PLXNA2: variants seen among roughly 807,000 people sequenced by gnomAD.
PLXNA2 encodes plexin A2, also known as plexin-A2.
A neutral mutation model predicts 193.5 loss-of-function variants in PLXNA2; 91 were observed. The ratio of observed to expected loss-of-function variants is 0.47; its 90% CI spans 0.40 to 0.56. The LOEUF (loss-of-function observed/expected upper bound fraction) is 0.56. PLXNA2 is among the 20% of genes least tolerant of loss of function. The pLI, the probability that PLXNA2 is intolerant of heterozygous loss-of-function variation, is 0.00. For synonymous variants in PLXNA2, 997 were observed against 1,027.3 expected, an observed-to-expected ratio of 0.97 and a Z score of 0.56; for missense variants, 1,995 against 2,503.2, an observed-to-expected ratio of 0.80 and a Z score of 4.33.
intron 9 of PLXNA2, among the ~76,000 whole-genome samples, chr1:208,088,347 C>T (rs1198497525): frequency 6.6e-6 from 1 of 152,196 alleles, no homozygotes; most frequent in Non-Finnish European, 1.5e-5. Context: ...AGCGACTTCT[C>T]CCATGTGGAA....
chr1:208,100,382 T>G (rs1348665355), intron 5 of PLXNA2, among the ~76,000 whole-genome samples: 2 of 151,560 alleles, frequency 1.3e-5, no homozygotes, highest in African/African-American at 2.4e-5. Flanking sequence ...AGGAGGAGGA[T>G]GATAATACGT....
chr1:208,074,754 G>C (rs1666093157), intron 12 of PLXNA2, among the ~76,000 whole-genome samples: 1 of 152,142 alleles, frequency 6.6e-6, no homozygotes, highest in African/African-American at 2.4e-5. Flanking sequence ...TCCAGGACTG[G>C]AGATTCTGCC....
At chr1:208,130,245 T>A (rs3811388) in intron 4 of PLXNA2, among the ~76,000 whole-genome samples, 81,127 of 152,014 alleles carry the variant, frequency 0.53, 21,946 homozygotes, top group Non-Finnish European at 0.55. Context: ...TACAGAAAGA[T>A]CAAAGGGCCA....
intron 12 of PLXNA2, among the ~76,000 whole-genome samples, chr1:208,061,057 T>C (rs1665604788): frequency 1.3e-5 from 2 of 152,342 alleles, no homozygotes; most frequent in East Asian, 1.9e-4. Flanking sequence ...TTTAAGTCAG[T>C]CATTCATTCA....
chr1:208,051,689 T>C (rs1665269080), intron 15 of PLXNA2, among the ~76,000 whole-genome samples: 1 of 152,168 alleles, frequency 6.6e-6, no homozygotes, highest in Admixed American at 6.5e-5. Context: ...TCCTTTTTTC[T>C]GGATTTTTCT....
chr1:208,039,973 G>A lies in PLXNA2; in HGVS notation c.4353+19C>T, dbSNP rs369793757. On this transcript the variant is annotated intron_variant, in intron 23 of 31. Transcript: ENST00000367033. Reference sequence around the variant, plus strand: ...CATCCTGCCCTGGACGCTAGGCCCCGTCTCACTCCCTTTCTCACCTTTAGG... The same window carrying A: ...CATCCTGCCCTGGACGCTAGGCCCCATCTCACTCCCTTTCTCACCTTTAGG... 131 of 1,612,500 alleles carry A rather than the reference G, an allele frequency of 8.1e-5. No homozygotes were observed. The highest frequency in any genetic ancestry group is 1.0e-4 in the Non-Finnish European group (121 of 1,178,660).
chr1:208,180,876 G>A (rs1669820816), intron 3 of PLXNA2, among the ~76,000 whole-genome samples: 1 of 152,240 alleles, frequency 6.6e-6, no homozygotes, highest in African/African-American at 2.4e-5. Flanking sequence ...GGGTAGGAGG[G>A]AAAGGGAGTA....
At chr1:208,098,473 C>CACACACACAT (rs1358267710) in intron 6 of PLXNA2, among the ~76,000 whole-genome samples, 3 of 148,774 alleles carry the variant, frequency 2.0e-5, no homozygotes, top group Non-Finnish European at 4.5e-5. Flanking sequence ...CACACACACA[C>CACACACACAT]ACACACACAC....
chr1:208,052,240 G>T, intron 15 of PLXNA2, 87 bp downstream of exon 15: 1 of 1,345,044 alleles, frequency 7.4e-7, no homozygotes, highest in Non-Finnish European at 1.0e-6. Flanking sequence ...TGATGGGGCA[G>T]GCCTATGAAT....
Position 208,092,917 on chromosome 1 carries a change from G to T in PLXNA2, c.1983-17C>A, listed in dbSNP as rs770995806. On this transcript the variant is annotated splice_polypyrimidine_tract_variant and intron_variant, in intron 8 of 31. Coordinates refer to ENST00000367033, the MANE Select transcript of PLXNA2 (RefSeq NM_025179.4). ...GACAGGCACCTGCAAGGACAGAGAT[G>T]GTGAGAGGCAAAGAGAAGAGAACAA... 4.5e-6 allele frequency: 7 copies of T among 1,559,414 alleles called. No homozygotes were observed. The Admixed American group carries it at 6.7e-5, about 15-fold the overall frequency.
In PLXNA2 at chr1:208,168,723, GGTTTTTTT is replaced by G. The variant is rs1269220430; in HGVS notation, c.1372-26268_1372-26261del. ...CAAAAAGAAGACAAAGAGTATGCGG[GGTTTTTTT>G]TTTTTTTTTTTTTTTTTTTTAGAAT... On this transcript the variant is annotated intron_variant, in intron 3 of 31. Transcript: ENST00000367033. 2.4e-4 allele frequency among the ~76,000 whole-genome samples: 25 copies of G among 102,240 alleles called. 1 individual carries two copies. Among genetic ancestry groups the G allele is most frequent in the Non-Finnish European group, 3.0e-4 (16 of 53,432 alleles). The allele number at this position is 102,240 out of a possible 152,430, so 67.1% of individuals were successfully genotyped here.
At position 208,046,078 on chromosome 1, in the gene PLXNA2, C is replaced by T; in HGVS notation, c.3295G>A (p.Ala1099Thr). 6.2e-7 allele frequency: 1 copy of T among 1,614,216 alleles called. No homozygotes were observed. Among genetic ancestry groups the T allele is most frequent in the South Asian group, 1.1e-5 (1 of 91,086 alleles). Reference sequence around the variant, plus strand: ...CGGTAGTCCGTGGTCAGAGAGGGTGCCAGGCAGGTGAGGGTGGTTGTGTTC... The same window carrying T: ...CGGTAGTCCGTGGTCAGAGAGGGTGTCAGGCAGGTGAGGGTGGTTGTGTTC... ...VVNTTTLTCLAPSLTTDYRPG... is the reference protein window; with the variant it reads ...VVNTTTLTCLTPSLTTDYRPG... The change falls in exon 18 of 32, where the codon GCA becomes ACA. Residue 1099 changes from alanine (A) to threonine (T), a missense_variant. This residue lies in a region of PLXNA2 where 1,291 missense variants were observed against 1,673.6 expected (regional missense o/e 0.77). Transcript: ENST00000367033.
chr1:208,224,092 C>T (rs1295445605), intron 1 of PLXNA2, among the ~76,000 whole-genome samples: 1 of 152,220 alleles, frequency 6.6e-6, no homozygotes, highest in Non-Finnish European at 1.5e-5. Flanking sequence ...CTCTGTCTAA[C>T]ACCGACCTTA....
chr1:208,068,696 C>T (rs1027091863), intron 12 of PLXNA2, among the ~76,000 whole-genome samples: 4 of 152,226 alleles, frequency 2.6e-5, no homozygotes, highest in African/African-American at 9.7e-5. Context: ...TCACACACGC[C>T]ATTAACCAGG....
intron 3 of PLXNA2, among the ~76,000 whole-genome samples, chr1:208,155,228 G>A (rs766727902): frequency 7.9e-5 from 12 of 151,804 alleles, no homozygotes; most frequent in Non-Finnish European, 1.3e-4. Flanking sequence ...CCACAGGACC[G>A]GTGCTGGGGA....
At chr1:208,196,229 C>T (rs1558238932) in intron 3 of PLXNA2, among the ~76,000 whole-genome samples, 1 of 152,164 alleles carries the variant, frequency 6.6e-6, no homozygotes, top group Admixed American at 6.5e-5. Flanking sequence ...AATCCCATCC[C>T]TGCCCAGCTT....
Position 208,027,062 on chromosome 1 carries a change from G to A in PLXNA2, c.*181C>T. On this transcript the variant is annotated 3_prime_UTR_variant, in exon 32 of 32. Transcript: ENST00000367033. ...ACGACGCCCACTGTCTCTCCCAGCTGGAACTGGCTATGACGAAACTTGGCT... is the reference window on the plus strand; with the variant it reads ...ACGACGCCCACTGTCTCTCCCAGCTAGAACTGGCTATGACGAAACTTGGCT... 1.8e-6 allele frequency: 1 copy of A among 550,468 alleles called. No homozygotes were observed. The allele number at this position is 550,468 out of a possible 1,614,324, so 34.1% of individuals were successfully genotyped here.
chr1:208,086,159 G>T (rs1044750546), intron 9 of PLXNA2, among the ~76,000 whole-genome samples: 6 of 152,106 alleles, frequency 3.9e-5, no homozygotes, highest in African/African-American at 1.4e-4. Context: ...TCCTCACTGG[G>T]CTGTGAGCTT....
At chr1:208,168,738 T>TTTTTTTTTTTTTTTTTG (rs1669394679) in intron 3 of PLXNA2, among the ~76,000 whole-genome samples, 1 of 140,410 alleles carries the variant, frequency 7.1e-6, no homozygotes, top group Non-Finnish European at 1.6e-5. Context: ...TTTTTTTTTT[T>TTTTTTTTTTTTTTTTTG]TTTTTTTTTT....
Sources: allele counts gnomAD v4.1 joint callset (sites outside exome capture counted in the v4.1 genomes callset), GRCh38; gene constraint gnomAD v4.1.1; regional missense constraint gnomAD v4.1.1; transcripts MANE v1.5; gene names NCBI Gene and HGNC (gene_info 2026-07-23, HGNC 2026-07-21).